FAF2: variants seen among roughly 807,000 people sequenced by gnomAD.
FAF2 encodes the protein FAS-associated factor 2.
Under a neutral mutation model 62.3 loss-of-function variants are expected in FAF2, and 9 were observed. The ratio of observed to expected loss-of-function variants is 0.14; its 90% CI spans 0.09 to 0.25. The LOEUF is 0.25. Ranked by LOEUF, FAF2 falls within the 10% of genes least tolerant of loss-of-function variation. The pLI is 1.00. For synonymous variants in FAF2, 202 were observed against 198.0 expected (o/e 1.02, Z -0.17); for missense variants, 368 against 556.2 (o/e 0.66, Z 3.40).
Position 176,509,638 on chromosome 5 carries a change from T to G in FAF2, c.*2688T>G, listed in dbSNP as rs2081627656. 6.6e-6 allele frequency: 1 copy of G among 152,592 alleles called. No individual in the cohort carries two copies. The highest frequency in any genetic ancestry group is 6.6e-5 in the Admixed American group (1 of 15,258). The allele number at this position is 152,592 out of a possible 1,614,324, so 9.5% of individuals were successfully genotyped here. Reference sequence around the variant, plus strand: ...TGCAGAATTTCCTCTAGCAAATACTTCTTTCTCCTTGCTTGCCTCCACCAT... The same window carrying G: ...TGCAGAATTTCCTCTAGCAAATACTGCTTTCTCCTTGCTTGCCTCCACCAT... On this transcript the variant is annotated 3_prime_UTR_variant, in exon 11 of 11. Transcript: ENST00000261942.
chr5:176,499,465 G>T (rs572886309), intron 9 of FAF2, among the ~76,000 whole-genome samples: 42 of 151,990 alleles, frequency 2.8e-4, no homozygotes, highest in African/African-American at 9.2e-4. Context: ...AGCTGATTTG[G>T]CATTTTACTC....
chr5:176,482,545 G>A (rs1758800233), intron 2 of FAF2, among the ~76,000 whole-genome samples: 1 of 152,054 alleles, frequency 6.6e-6, no homozygotes, highest in Admixed American at 6.6e-5. Context: ...ATTTCTCTCT[G>A]TTGCCCAGGC....
chr5:176,473,958 C>G (rs979202041), intron 1 of FAF2, among the ~76,000 whole-genome samples: 1 of 152,148 alleles, frequency 6.6e-6, no homozygotes, highest in Non-Finnish European at 1.5e-5. Flanking sequence ...TATTTCCGGC[C>G]CCAGTCCTAG....
intron 10 of FAF2, 143 bp from the exon 11 acceptor site, chr5:176,506,625 G>A (rs1448371811): frequency 3.1e-6 from 2 of 654,164 alleles, no homozygotes; most frequent in Non-Finnish European, 5.2e-6. Context: ...TAGAATTCCA[G>A]TGTAATGTGA....
In FAF2 at chr5:176,494,049, T is replaced by C. The variant is rs1759020379; in HGVS notation, c.534T>C (p.His178=). ...RELRFLLVYL[H]GDDHQDSDEF... is the part of the protein sequence containing the mutation. ...TTCGCTTTCTTTTGGTTTATCTTCATGGAGATGATCACCAGGACTCTGATG... is the reference window on the plus strand; with the variant it reads ...TTCGCTTTCTTTTGGTTTATCTTCACGGAGATGATCACCAGGACTCTGATG... The change falls in exon 6 of 11, where the codon CAT becomes CAC. Residue 178 remains histidine (H), a synonymous_variant. Transcript: ENST00000261942. The surrounding 1 kb of genome is among the most constrained non-coding windows in gnomAD (Gnocchi z 4.0). 1 of 1,614,054 alleles carries C rather than the reference T, an allele frequency of 6.2e-7. No individual in the cohort carries two copies. The highest frequency in any genetic ancestry group is 2.2e-5 in the East Asian group (1 of 44,866).
chr5:176,468,785 C>CAA (rs796986844), intron 1 of FAF2, among the ~76,000 whole-genome samples: 1 of 131,550 alleles, frequency 7.6e-6, no homozygotes, highest in African/African-American at 2.7e-5. Context: ...CCCAAAAAAA[C>CAA]AAAAAAAAAA....
chr5:176,480,436 G>A (rs1046389965), intron 2 of FAF2, among the ~76,000 whole-genome samples: 2 of 151,800 alleles, frequency 1.3e-5, no homozygotes, highest in Middle Eastern at 3.4e-3. Context: ...TTTTTAAGAC[G>A]GGGTCTTGCT....
At chr5:176,476,285 A>G (rs1758688371) in intron 1 of FAF2, among the ~76,000 whole-genome samples, 1 of 152,168 alleles carries the variant, frequency 6.6e-6, no homozygotes, top group South Asian at 2.1e-4. Flanking sequence ...GCAAAACAAA[A>G]AAAACAGTGT....
chr5:176,449,810 CT>C (rs1758133654), intron 1 of FAF2, among the ~76,000 whole-genome samples: 1 of 152,208 alleles, frequency 6.6e-6, no homozygotes, highest in Admixed American at 6.6e-5. Flanking sequence ...TAGAATCCCA[CT>C]TACTATTTCA....
chr5:176,494,095 TG>T lies in FAF2; in HGVS notation c.569+12del, dbSNP rs749515079. The T allele has an allele frequency of 1.7e-5, 27 of 1,613,020 alleles. No individual in the cohort carries two copies. The highest frequency in any genetic ancestry group is 2.2e-5 in the Non-Finnish European group (26 of 1,179,072). ...TGATGAGTTTTGTCGGTAAGTGGAT[TG>T]ATTATTTTCCTTCTCTTTTCTGACT... On this transcript the variant is annotated intron_variant, in intron 6 of 10. Transcript: ENST00000261942. The surrounding 1 kb of genome is among the most constrained non-coding windows in gnomAD (Gnocchi z 4.0).
chr5:176,480,712 C>G (rs574504528), intron 2 of FAF2, among the ~76,000 whole-genome samples: 65 of 148,524 alleles, frequency 4.4e-4, no homozygotes, highest in African/African-American at 1.6e-3. Context: ...CACATCCAGC[C>G]AAGTCCCTAC....
Position 176,500,157 on chromosome 5 carries a change from C to G in FAF2, c.1155+11C>G, listed in dbSNP as rs748140249. On this transcript the variant is annotated intron_variant, in intron 10 of 10. Transcript: ENST00000261942. ...TCACAGTCTCTAACAGTAAGGACCACCTAAGTTCTGTGAAGTGTATGTAGC... is the reference window on the plus strand; with the variant it reads ...TCACAGTCTCTAACAGTAAGGACCAGCTAAGTTCTGTGAAGTGTATGTAGC... The G allele has an allele frequency of 1.2e-6, 2 of 1,613,272 alleles. No homozygotes were observed. The highest frequency in any genetic ancestry group is 2.7e-5 in the African/African-American group (2 of 74,868).
intron 1 of FAF2, among the ~76,000 whole-genome samples, chr5:176,455,700 G>A (rs1581467192): frequency 6.6e-6 from 1 of 152,012 alleles, no homozygotes; most frequent in Non-Finnish European, 1.5e-5. Flanking sequence ...AGTGAGCCAA[G>A]GTCGCACTAG....
At chr5:176,476,088 T>A (rs1758682915) in intron 1 of FAF2, among the ~76,000 whole-genome samples, 1 of 152,100 alleles carries the variant, frequency 6.6e-6, no homozygotes, top group African/African-American at 2.4e-5. Context: ...AAATCCTGTC[T>A]CTACCCAAGA....
At chr5:176,475,267 G>A (rs1451388572) in intron 1 of FAF2, among the ~76,000 whole-genome samples, 1 of 151,984 alleles carries the variant, frequency 6.6e-6, no homozygotes, top group Non-Finnish European at 1.5e-5. Flanking sequence ...GAGTAGCTGG[G>A]ACTACAGGCG....
chr5:176,488,869 G>A lies in FAF2; in HGVS notation c.268-82G>A, dbSNP rs1043216710. Reference sequence around the variant, plus strand: ...ACAAATCACATGGAAGGACCAAAAAGAGTGAGAAAATCTGACCTAGCCATT... The same window carrying A: ...ACAAATCACATGGAAGGACCAAAAAAAGTGAGAAAATCTGACCTAGCCATT... On this transcript the variant is annotated intron_variant, in intron 3 of 10. Transcript: ENST00000261942. The A allele has an allele frequency of 5.4e-6, 6 of 1,119,138 alleles. No homozygotes were observed. The African/African-American group carries it at 9.2e-5, about 17-fold the overall frequency. The allele number at this position is 1,119,138 out of a possible 1,614,324, so 69.3% of individuals were successfully genotyped here. A position where few individuals can be genotyped will look rare whatever the true frequency, so the allele number is the denominator to read the frequency against.
chr5:176,484,081 A>T (rs746944795), intron 2 of FAF2, among the ~76,000 whole-genome samples: 5 of 151,402 alleles, frequency 3.3e-5, no homozygotes, highest in African/African-American at 4.9e-5. Flanking sequence ...TCAAAAAAAG[A>T]AAAAAAAAGA....
At chr5:176,500,718 C>G (rs1350292353) in intron 10 of FAF2, among the ~76,000 whole-genome samples, 1 of 152,190 alleles carries the variant, frequency 6.6e-6, no homozygotes, top group African/African-American at 2.4e-5. Context: ...AGCAGAAACT[C>G]AAGAGCCTCA....
In FAF2 at chr5:176,473,199, A is replaced by G. The variant is rs201677118; in HGVS notation, c.64-5989A>G. On this transcript the variant is annotated intron_variant, in intron 1 of 10. Transcript: ENST00000261942. Reference sequence around the variant, plus strand: ...TTTAGGGTACTACATGCCATTTAGTAGTCACATCTTAGGTTCCTCTGGGCT... The same window carrying G: ...TTTAGGGTACTACATGCCATTTAGTGGTCACATCTTAGGTTCCTCTGGGCT... Among the ~76,000 whole-genome samples the G allele has an allele frequency of 2.4e-4, 36 of 152,322 alleles. No individual in the cohort carries two copies. In the East Asian group the frequency reaches 6.2e-3, roughly 26 times the overall value.
Sources: gnomAD v4.1 joint callset for allele counts (sites outside exome capture counted in the v4.1 genomes callset) on GRCh38, gnomAD v4.1.1 for gene constraint, Gnocchi (gnomAD v3.1) non-coding constraint, MANE v1.5 for transcripts, NCBI Gene and HGNC (gene_info 2026-07-23, HGNC 2026-07-21) for gene names.